The following DDX56 variants were observed in gnomAD, a reference collection of about 807,000 sequenced individuals.
The protein encoded by DDX56 is DEAD-box helicase 56, also known as probable ATP-dependent RNA helicase DDX56.
DDX56 carries 45 observed loss-of-function variants against 61.5 expected under a neutral mutation model. The ratio of observed to expected loss-of-function variants is 0.73; its 90% CI spans 0.58 to 0.94. The LOEUF is 0.94. DDX56 is among the 40% of genes least tolerant of loss of function. The pLI is 0.00. For missense variants in DDX56, 708 were observed against 690.7 expected (o/e 1.02, Z -0.28); for synonymous variants, 273 against 268.3 (o/e 1.02, Z -0.17).
Position 44,572,692 on chromosome 7 carries a change from A to C in DDX56, c.436T>G (p.Leu146Val). Residue 146 changes from leucine (L) to valine (V), a missense_variant, in exon 4 of 14, where the codon TTA (leucine) becomes GTA (valine). Transcript: ENST00000258772. ...DVVVGTPSRI[L>V]SHLQQDSLKL... ...AGGCTGTCTTGCTGCAAGTGGCTTA[A>C]TATGCGAGATGGGGTCCCTACTACC... The C allele has an allele frequency of 1.2e-5, 19 of 1,614,216 alleles. No individual in the cohort carries two copies. The highest frequency in any genetic ancestry group is 1.5e-5 in the Non-Finnish European group (18 of 1,180,034).
At chr7:44,573,550 C>T in intron 2 of DDX56, 33 bp downstream of exon 2, 1 of 1,603,810 alleles carries the variant, frequency 6.2e-7, no homozygotes, top group Non-Finnish European at 8.5e-7. Flanking sequence ...TGGAGCTTGC[C>T]TCCTTCCTCC....
At chr7:44,569,311 C>T (rs908353030) in intron 9 of DDX56, 108 bp from the exon 10 acceptor site, 129 of 1,035,590 alleles carry the variant, frequency 1.2e-4, no homozygotes, top group Non-Finnish European at 1.7e-4. Context: ...AGGGGACCCA[C>T]CGCCTTCCTG....
chr7:44,570,881 C>A lies in DDX56; in HGVS notation c.891-4G>T. The A allele has an allele frequency of 1.2e-6, 2 of 1,610,178 alleles. No individual in the cohort carries two copies. Among genetic ancestry groups the A allele is most frequent in the Non-Finnish European group, 8.5e-7 (1 of 1,176,856 alleles). On this transcript the variant is annotated splice_region_variant and splice_polypyrimidine_tract_variant and intron_variant, in intron 6 of 13. Transcript: ENST00000258772. ...GAACTGTGAGATGATGTGGCACCTGCAGCCAAGAGCGGACAGAGAATCAGC... is the reference window on the plus strand; with the variant it reads ...GAACTGTGAGATGATGTGGCACCTGAAGCCAAGAGCGGACAGAGAATCAGC...
chr7:44,568,311 G>T, intron 11 of DDX56, 88 bp from the exon 12 acceptor site: 1 of 970,408 alleles, frequency 1.0e-6, no homozygotes, highest in Non-Finnish European at 1.5e-6. Flanking sequence ...ACACACTCAT[G>T]TGTTTCAAAA....
At chr7:44,573,086 T>G in intron 2 of DDX56, 36 bp from the exon 3 acceptor site, 2 of 1,527,470 alleles carry the variant, frequency 1.3e-6, no homozygotes, top group South Asian at 2.6e-5. Flanking sequence ...TAGCCAGCAG[T>G]GCACATCACT....
intron 12 of DDX56, among the ~76,000 whole-genome samples, 190 bp from the exon 13 acceptor site, chr7:44,566,714 T>C (rs747233878): frequency 1.3e-4 from 20 of 151,988 alleles, no homozygotes; most frequent in Non-Finnish European, 2.9e-4. Context: ...TAAATCACTC[T>C]CCTATATTGT....
intron 6 of DDX56, among the ~76,000 whole-genome samples, 171 bp from the exon 7 acceptor site, chr7:44,571,048 GT>G (rs962141976): frequency 3.1e-4 from 47 of 152,220 alleles, no homozygotes; most frequent in African/African-American, 1.1e-3. Context: ...ATAGGGTTTT[GT>G]TTTTTTGAGA....
Position 44,569,193 on chromosome 7 carries a change from G to C in DDX56, c.1230C>G (p.Gly410=). Residue 410 remains glycine, a synonymous_variant, in exon 10 of 14, where the codon GGC becomes GGG. Coordinates refer to ENST00000258772, the MANE Select transcript of DDX56 (RefSeq NM_019082.4). ...GGAACTGGTAGGGGAGCAGAATGGG[G>C]CCCCTGTTCTCTGTGGAGAAGAAAG... ...IEELLSGENR[G]PILLPYQFRM... 1 of 1,613,858 alleles carries C rather than the reference G, an allele frequency of 6.2e-7. No homozygotes were observed. The highest frequency in any genetic ancestry group is 2.2e-5 in the East Asian group (1 of 44,878).
At chr7:44,571,807 C>G in intron 5 of DDX56, 71 bp from the exon 6 acceptor site, 1 of 1,579,948 alleles carries the variant, frequency 6.3e-7, no homozygotes, top group Non-Finnish European at 8.6e-7. Context: ...TACTCACCAA[C>G]CAAAGCATCA....
Position 44,566,089 on chromosome 7 carries a change from CAA to C in DDX56, c.1567-12_1567-11del. On this transcript the variant is annotated splice_polypyrimidine_tract_variant and intron_variant, in intron 13 of 13. Transcript: ENST00000258772. ...TCTGGGACTTTGCTCTCTAAGGAGG[CAA>C]AGTCACAGGTTAGTTGGGGGAATCA... 6.3e-7 allele frequency: 1 copy of C among 1,596,240 alleles called. No homozygotes were observed. Among genetic ancestry groups the C allele is most frequent in the Non-Finnish European group, 8.6e-7 (1 of 1,169,180 alleles).
intron 7 of DDX56, 92 bp from the exon 8 acceptor site, chr7:44,570,220 T>C: frequency 6.7e-7 from 1 of 1,483,504 alleles, no homozygotes; most frequent in African/African-American, 1.4e-5. Context: ...TAAATGCCTG[T>C]AGATCATAAG....
intron 4 of DDX56, 28 bp from the exon 5 acceptor site, chr7:44,572,465 C>T (rs1226564179): frequency 1.9e-6 from 3 of 1,613,376 alleles, no homozygotes; most frequent in African/African-American, 1.3e-5. Flanking sequence ...AATCAGATTC[C>T]AGCTCCAAGG....
intron 11 of DDX56, 89 bp from the exon 12 acceptor site, chr7:44,568,312 T>C (rs1460721152): frequency 3.1e-6 from 3 of 953,582 alleles, no homozygotes; most frequent in African/African-American, 3.3e-5. Flanking sequence ...CACACTCATG[T>C]GTTTCAAAAG....
At chr7:44,572,263 C>T (rs919210371) in intron 5 of DDX56, 84 bp downstream of exon 5, 4 of 1,215,320 alleles carry the variant, frequency 3.3e-6, no homozygotes, top group Non-Finnish European at 4.8e-6. Flanking sequence ...ACCCAAAACA[C>T]CAAAGAATCC....
At position 44,573,707 on chromosome 7, in the gene DDX56, A is replaced by G; in HGVS notation, c.98T>C (p.Ile33Thr). The change falls in exon 2 of 14, where the codon ATC becomes ACC. Residue 33 changes from isoleucine to threonine, a missense_variant. Ile to Thr is a moderately conservative substitution (Grantham distance 89). Transcript: ENST00000258772. ...GGCCAGTGGGATGGCCTTCTCCTGG[A>G]TCAGCGTAGGTCGCGACCAGCCCAG... ...TDLGWSRPTLIQEKAIPLALE... is the reference protein window; with the variant it reads ...TDLGWSRPTLTQEKAIPLALE... The G allele has an allele frequency of 6.2e-7, 1 of 1,613,690 alleles. No individual in the cohort carries two copies. Among genetic ancestry groups the G allele is most frequent in the Admixed American group, 1.7e-5 (1 of 60,030 alleles).
intron 6 of DDX56, 26 bp from the exon 7 acceptor site, chr7:44,570,903 C>G: frequency 6.3e-7 from 1 of 1,599,444 alleles, no homozygotes; most frequent in South Asian, 1.1e-5. Flanking sequence ...GACAGAGAAT[C>G]AGCTCAGCAG....
At position 44,572,433 on chromosome 7, in the gene DDX56, A is replaced by T. The variant is rs1369154474; in HGVS notation, c.559T>A (p.Leu187Met). ...AGAAAAGCCTGGTAAATCCGGGGCA[A>T]GTGACTGAAATGAAAGAATCCAATC... is the stretch of plus-strand genomic sequence containing the variant. ...EEELKSLLCH[L>M]PRIYQAFLMS... The change falls in exon 5 of 14, where the codon TTG becomes ATG. Residue 187 changes from leucine (L) to methionine (M), a missense_variant. Coordinates refer to ENST00000258772, the MANE Select transcript of DDX56 (RefSeq NM_019082.4). The T allele has an allele frequency of 6.2e-7, 1 of 1,614,104 alleles. No individual in the cohort carries two copies. The highest frequency in any genetic ancestry group is 8.5e-7 in the Non-Finnish European group (1 of 1,180,010).
chr7:44,571,750 C>A lies in DDX56; in HGVS notation c.646-14G>T, dbSNP rs1027760102. The A allele has an allele frequency of 1.2e-6, 2 of 1,613,006 alleles. No homozygotes were observed. Among genetic ancestry groups the A allele is most frequent in the Admixed American group, 3.3e-5 (2 of 59,982 alleles). ...CTTAAGGGTAACCTGGGGGAGAAAA[C>A]AGGCCTGTGGTCAGAAAGGAAAAGA... is the stretch of plus-strand genomic sequence containing the variant. On this transcript the variant is annotated splice_polypyrimidine_tract_variant and intron_variant, in intron 5 of 13. Transcript: ENST00000258772.
chr7:44,570,625 G>A (rs1802646242), intron 7 of DDX56, 133 bp downstream of exon 7: 1 of 1,215,948 alleles, frequency 8.2e-7, no homozygotes, highest in East Asian at 2.4e-5. Context: ...AACCTGTGGG[G>A]CTCTCTGGGC....
Sources: gnomAD v4.1 joint callset for allele counts (sites outside exome capture counted in the v4.1 genomes callset) on GRCh38, gnomAD v4.1.1 for gene constraint, MANE v1.5 for transcripts, NCBI Gene and HGNC (gene_info 2026-07-23, HGNC 2026-07-21) for gene names.